The following PLAAT3 variants were observed in gnomAD, a reference collection of about 807,000 sequenced individuals.
The protein encoded by PLAAT3 is Ca-independent phospholipase A1/2.
In PLAAT3, 21 loss-of-function variants were observed where a neutral mutation model predicts 16.7. That is an observed-to-expected ratio of 1.26 (90% CI 0.89 to 1.81). The LOEUF (loss-of-function observed/expected upper bound fraction) is 1.81, where lower values mean the gene tolerates loss of function less well. Among genes scored for constraint, PLAAT3 ranks in the 40% most tolerant of loss-of-function variants. The pLI is 0.00. For synonymous variants in PLAAT3, 76 were observed against 81.7 expected, an observed-to-expected ratio of 0.93 and a Z score of 0.38; for missense variants, 219 against 213.7, an observed-to-expected ratio of 1.02 and a Z score of -0.16.
chr11:63,612,556 A>G (rs1279683333), intron 2 of PLAAT3, among the ~76,000 whole-genome samples: 1 of 152,242 alleles, frequency 6.6e-6, no homozygotes, highest in Non-Finnish European at 1.5e-5. Flanking sequence ...AAGATGGACT[A>G]GTAGATATAG....
chr11:63,613,528 C>T (rs971226874), intron 2 of PLAAT3, among the ~76,000 whole-genome samples: 1 of 152,274 alleles, frequency 6.6e-6, no homozygotes, highest in Non-Finnish European at 1.5e-5. Flanking sequence ...GGAGGGTCCA[C>T]CTCCAAATCC....
chr11:63,581,702 G>A (rs559485681), intron 4 of PLAAT3, among the ~76,000 whole-genome samples: 7 of 152,226 alleles, frequency 4.6e-5, no homozygotes, highest in South Asian at 2.1e-4. Flanking sequence ...TTTAAAATCC[G>A]TAATAAAAAC....
At chr11:63,612,070 G>A (rs746521840) in intron 2 of PLAAT3, among the ~76,000 whole-genome samples, 50 of 152,284 alleles carry the variant, frequency 3.3e-4, no homozygotes, top group Admixed American at 8.5e-4. Flanking sequence ...CCCAGGAGGC[G>A]GAGGTTGCAG....
chr11:63,578,126 A>C (rs1937669828), intron 4 of PLAAT3, among the ~76,000 whole-genome samples: 1 of 152,012 alleles, frequency 6.6e-6, no homozygotes, highest in Non-Finnish European at 1.5e-5. Context: ...TACTAAAAAT[A>C]CAAAAAATTA....
chr11:63,590,403 T>C, intron 3 of PLAAT3, 35 bp from the exon 4 acceptor site: 1 of 1,603,010 alleles, frequency 6.2e-7, no homozygotes, highest in Non-Finnish European at 8.5e-7. Flanking sequence ...GAGGGATTGG[T>C]CCTGGGAAGG....
chr11:63,578,061 T>C (rs113388414), intron 4 of PLAAT3, among the ~76,000 whole-genome samples: 2,921 of 152,224 alleles, frequency 0.019, 99 homozygotes, highest in African/African-American at 0.066. Flanking sequence ...GGCAGGCAGA[T>C]TGCTTGAGCT....
upstream of PLAAT3, among the ~76,000 whole-genome samples, chr11:63,615,160 G>A (rs1444249048): frequency 2.6e-5 from 1 of 39,134 alleles, no homozygotes; most frequent in African/African-American, 6.2e-5. Context: ...GTATATATGT[G>A]TATATATGTG....
rs769435279 is a variant in PLAAT3 at position 63,590,133 on chromosome 11, A to T, written c.354T>A (p.Asn118Lys). 1 of 1,613,784 alleles carries T rather than the reference A, an allele frequency of 6.2e-7. No individual in the cohort carries two copies. Among genetic ancestry groups the T allele is most frequent in the Non-Finnish European group, 8.5e-7 (1 of 1,179,658 alleles). Residue 118 changes from asparagine to lysine, a missense_variant, in exon 4 of 5, where the codon AAT (asparagine) becomes AAA (lysine). Asn to Lys is a moderately conservative substitution (Grantham distance 94). Coordinates refer to ENST00000415826, the MANE Select transcript of PLAAT3 (RefSeq NM_001128203.2). ...LTSENCEHFV[N>K]ELRYGVARSD... ...TGCGGGCGACTCCATAGCGCAGCTC[A>T]TTCACAAAGTGCTCGCAGTTCTCAC...
intron 4 of PLAAT3, among the ~76,000 whole-genome samples, chr11:63,589,404 C>G (rs974749087): frequency 1.6e-5 from 2 of 122,392 alleles, no homozygotes; most frequent in African/African-American, 6.5e-5. Flanking sequence ...TTCTTTTCAC[C>G]TATGCAAAGA....
At chr11:63,586,132 GCA>G (rs386754284) in intron 4 of PLAAT3, among the ~76,000 whole-genome samples, 3 of 151,170 alleles carry the variant, frequency 2.0e-5, no homozygotes, top group Non-Finnish European at 2.9e-5. Context: ...GTGTGTGTGT[GCA>G]CGTGTATGTG....
rs186232575 is a variant in PLAAT3, at chr11:63,600,900, G to A, written c.16-2737C>T. Among the ~76,000 whole-genome samples the A allele has an allele frequency of 7.4e-4, 113 of 151,968 alleles. 4 individuals carry two copies. The East Asian group carries it at 0.02, about 26-fold the overall frequency. On this transcript the variant is annotated intron_variant, in intron 2 of 4. Coordinates refer to ENST00000415826, the MANE Select transcript of PLAAT3 (RefSeq NM_001128203.2). Reference sequence around the variant, plus strand: ...ATTACAGGCGTGAGCCACCACGCCCGGCCTACTCTTCTACATCCTGAATGT... The same window carrying A: ...ATTACAGGCGTGAGCCACCACGCCCAGCCTACTCTTCTACATCCTGAATGT...
chr11:63,602,435 T>C (rs915997580), intron 2 of PLAAT3, among the ~76,000 whole-genome samples: 2 of 152,072 alleles, frequency 1.3e-5, no homozygotes, highest in Non-Finnish European at 2.9e-5. Flanking sequence ...CAAGTACTTA[T>C]CATTATACAC....
chr11:63,590,853 T>A (rs1327668293), intron 3 of PLAAT3, among the ~76,000 whole-genome samples: 1 of 152,090 alleles, frequency 6.6e-6, no homozygotes, highest in African/African-American at 2.4e-5. Flanking sequence ...CTAGCTGTGA[T>A]GGATGCTAAG....
chr11:63,613,431 A>AATAAATAAATAAAT (rs10658157), intron 2 of PLAAT3, among the ~76,000 whole-genome samples: 1 of 147,826 alleles, frequency 6.8e-6, no homozygotes, highest in East Asian at 2.0e-4. Flanking sequence ...AATAAAAATA[A>AATAAATAAATAAAT]AAATAAATAA....
intron 2 of PLAAT3, among the ~76,000 whole-genome samples, chr11:63,606,930 G>A (rs1478015942): frequency 6.6e-6 from 1 of 152,210 alleles, no homozygotes; most frequent in Non-Finnish European, 1.5e-5. Flanking sequence ...TCCAACTTGG[G>A]TTTTAAAAGG....
intron 4 of PLAAT3, among the ~76,000 whole-genome samples, chr11:63,589,366 C>T (rs1590687909): frequency 1.6e-5 from 2 of 124,370 alleles, no homozygotes; most frequent in African/African-American, 3.1e-5. Flanking sequence ...TCTTTTGCAT[C>T]AACAGCCATG....
At chr11:63,583,140 A>G (rs1482698273) in intron 4 of PLAAT3, among the ~76,000 whole-genome samples, 1 of 152,128 alleles carries the variant, frequency 6.6e-6, no homozygotes, top group African/African-American at 2.4e-5. Context: ...AAAAAAAAAA[A>G]GTAGTTTTAA....
chr11:63,599,802 A>T (rs1938378456), intron 2 of PLAAT3, among the ~76,000 whole-genome samples: 1 of 152,080 alleles, frequency 6.6e-6, no homozygotes, highest in Non-Finnish European at 1.5e-5. Flanking sequence ...CCTCAAACAG[A>T]CAAGGACATA....
chr11:63,610,106 G>C (rs1308133052), intron 2 of PLAAT3, among the ~76,000 whole-genome samples: 1 of 152,198 alleles, frequency 6.6e-6, no homozygotes, highest in African/African-American at 2.4e-5. Context: ...TTAAAGGTGA[G>C]GTTCTTCCCA....
Sources: gnomAD v4.1 joint callset for allele counts (sites outside exome capture counted in the v4.1 genomes callset) on GRCh38, gnomAD v4.1.1 for gene constraint, MANE v1.5 for transcripts, NCBI Gene and HGNC (gene_info 2026-07-23, HGNC 2026-07-21) for gene names.